The following TUSC3 variants were observed in gnomAD, a reference collection of about 807,000 sequenced individuals.
TUSC3 encodes dolichyl-diphosphooligosaccharide--protein glycosyltransferase subunit TUSC3.
TUSC3 carries 45 observed loss-of-function variants against 44.8 expected under a neutral mutation model. That is an observed-to-expected ratio of 1.00 (90% CI 0.79 to 1.29). The LOEUF (loss-of-function observed/expected upper bound fraction) is 1.29, where lower values mean the gene tolerates loss of function less well. Among genes scored for constraint, TUSC3 ranks in the 50% most tolerant of loss-of-function variants. The pLI is 0.00. For synonymous variants in TUSC3, 212 were observed against 152.9 expected (o/e 1.39, Z -2.85); for missense variants, 519 against 437.9 (o/e 1.19, Z -1.65).
chr8:15,698,851 A>AT (rs572239797), intron 6 of TUSC3, among the ~76,000 whole-genome samples: 23,366 of 145,128 alleles, frequency 0.16, 2,373 homozygotes, highest in African/African-American at 0.28. Context: ...TCTTTTTTTC[A>AT]TTTTTTTTTT....
chr8:15,785,273 G>A, the TUSC3 span, among the ~76,000 whole-genome samples: 2 of 150,528 alleles, frequency 1.3e-5, no homozygotes, highest in Non-Finnish European at 2.9e-5. Flanking sequence ...TAAATTAAGA[G>A]ACTAATAAAA....
intron 1 of TUSC3, among the ~76,000 whole-genome samples, chr8:15,420,960 A>G (rs961942684): frequency 1.4e-4 from 21 of 152,078 alleles, no homozygotes; most frequent in Non-Finnish European, 2.5e-4. Flanking sequence ...AGTGTCTTTG[A>G]TTTAACACCC....
chr8:15,686,924 C>T (rs1244524289), intron 6 of TUSC3, among the ~76,000 whole-genome samples: 3 of 151,928 alleles, frequency 2.0e-5, no homozygotes, highest in East Asian at 1.9e-4. Flanking sequence ...AAAAATTAGC[C>T]GGGCATGGTG....
At chr8:15,698,554 C>T (rs1809263276) in intron 6 of TUSC3, among the ~76,000 whole-genome samples, 1 of 152,042 alleles carries the variant, frequency 6.6e-6, no homozygotes, top group Non-Finnish European at 1.5e-5. Context: ...TCAGAAATGT[C>T]TTTATTATGT....
intron 3 of TUSC3, 21 bp from the exon 4 acceptor site, chr8:15,659,486 T>C (rs1405454852): frequency 6.2e-7 from 1 of 1,608,858 alleles, no homozygotes; most frequent in South Asian, 1.1e-5. Flanking sequence ...ATATTTAGTA[T>C]TTTTTTCTCA....
the TUSC3 span, among the ~76,000 whole-genome samples, chr8:15,845,567 T>C: frequency 1.1e-3 from 168 of 152,326 alleles, no homozygotes; most frequent in African/African-American, 3.8e-3. Context: ...TTTAATATTT[T>C]GGTCACATTA....
intron 1 of TUSC3, among the ~76,000 whole-genome samples, chr8:15,466,933 T>G (rs983262738): frequency 6.6e-6 from 1 of 152,122 alleles, no homozygotes; most frequent in Non-Finnish European, 1.5e-5. Flanking sequence ...TTCTTTCCTT[T>G]AGCATAATGG....
At chr8:15,587,536 C>T (rs987155362) in intron 1 of TUSC3, among the ~76,000 whole-genome samples, 1 of 152,092 alleles carries the variant, frequency 6.6e-6, no homozygotes, top group African/African-American at 2.4e-5. Flanking sequence ...TTAGCATATC[C>T]AGCACCCCAA....
chr8:15,445,114 C>T (rs539474383), intron 1 of TUSC3, among the ~76,000 whole-genome samples: 1 of 152,254 alleles, frequency 6.6e-6, no homozygotes, highest in African/African-American at 2.4e-5. Flanking sequence ...AGCCCTTCAA[C>T]TGCAAATACA....
chr8:15,667,905 C>A (rs992446155), intron 5 of TUSC3, among the ~76,000 whole-genome samples: 1 of 151,670 alleles, frequency 6.6e-6, no homozygotes, highest in African/African-American at 2.4e-5. Flanking sequence ...ACTATAGGAT[C>A]TGAGCAGTTT....
rs1801328674 is a variant in TUSC3, at chr8:15,523,654, ATATATATATATGTGTGTGTG to A, written n.189+40173_189+40192del. ...CCTTTAAAAACATATATATATATAT[ATATATATATATGTGTGTGTG>A]TGTGTGTGTGTGTGTGTGTGTGTGT... is the stretch of plus-strand genomic sequence containing the variant. On this transcript the variant is annotated intron_variant and non_coding_transcript_variant, in intron 2 of 5. Coordinates refer to the TUSC3 transcript ENST00000503191. Among the ~76,000 whole-genome samples, 3 of 26,140 alleles carry A rather than the reference ATATATATATATGTGTGTGTG, an allele frequency of 1.1e-4. 1 individual carries two copies. In the South Asian group the frequency reaches 7.9e-3, roughly 69 times the overall value. The allele number at this position is 26,140 out of a possible 152,430, so 17.1% of individuals were successfully genotyped here.
chr8:15,738,983 C>T (rs1008380524), intron 7 of TUSC3, among the ~76,000 whole-genome samples: 1 of 151,556 alleles, frequency 6.6e-6, no homozygotes, highest in Non-Finnish European at 1.5e-5. Context: ...CAGGCACGCG[C>T]CACCATGCCT....
chr8:15,679,755 G>A (rs1808336687), intron 6 of TUSC3, among the ~76,000 whole-genome samples: 1 of 152,076 alleles, frequency 6.6e-6, no homozygotes, highest in Non-Finnish European at 1.5e-5. Flanking sequence ...TCCATCTTGA[G>A]TTAATTTTGT....
At chr8:15,487,258 T>G (rs1464263020) in intron 2 of TUSC3, among the ~76,000 whole-genome samples, 3 of 152,212 alleles carry the variant, frequency 2.0e-5, no homozygotes, top group Non-Finnish European at 4.4e-5. Flanking sequence ...AATATTAACT[T>G]TAAACATGCC....
intron 1 of TUSC3, among the ~76,000 whole-genome samples, chr8:15,442,787 G>C (rs1800037925): frequency 6.6e-6 from 1 of 152,124 alleles, no homozygotes. Context: ...CCAAACTTTA[G>C]TCAGGCTCCT....
intron 2 of TUSC3, among the ~76,000 whole-genome samples, chr8:15,529,788 G>GT (rs35344827): frequency 0.45 from 48,049 of 106,936 alleles, 13,523 homozygotes; most frequent in Non-Finnish European, 0.58. Flanking sequence ...CTGTGAAAAA[G>GT]TTTTTTTTTT....
At chr8:15,729,156 C>T (rs189962057) in intron 6 of TUSC3, among the ~76,000 whole-genome samples, 32 of 152,106 alleles carry the variant, frequency 2.1e-4, no homozygotes, top group Admixed American at 5.9e-4. Context: ...GCAGTTGTTA[C>T]GTAAATTTGG....
intron 7 of TUSC3, among the ~76,000 whole-genome samples, chr8:15,739,310 A>G (rs1398387020): frequency 1.3e-5 from 2 of 151,914 alleles, no homozygotes; most frequent in East Asian, 3.9e-4. Context: ...GTTTTGCCTT[A>G]TTTATTTGGG....
At chr8:15,589,096 T>G (rs1803716315) in intron 1 of TUSC3, among the ~76,000 whole-genome samples, 1 of 152,202 alleles carries the variant, frequency 6.6e-6, no homozygotes, top group Admixed American at 6.5e-5. Flanking sequence ...CTTACTAAAT[T>G]TAAAGTCTGT....
Sources: allele counts gnomAD v4.1 joint callset (sites outside exome capture counted in the v4.1 genomes callset), GRCh38; gene constraint gnomAD v4.1.1; transcripts MANE v1.5; gene names NCBI Gene and HGNC (gene_info 2026-07-23, HGNC 2026-07-21).